Variants in ZSWIM5 observed in about 807,000 individuals in gnomAD.
ZSWIM5 encodes zinc finger SWIM-type containing 5.
ZSWIM5 carries 55 observed loss-of-function variants against 119.6 expected under a neutral mutation model. The observed-to-expected ratio is 0.46, with a 90% CI of 0.37 to 0.58. The LOEUF (loss-of-function observed/expected upper bound fraction) is 0.58. Ranked by LOEUF, ZSWIM5 falls within the 20% of genes least tolerant of loss-of-function variation. The pLI is 0.00. For missense variants in ZSWIM5, 1,193 were observed against 1,512.8 expected (o/e 0.79, Z 3.51); for synonymous variants, 537 against 606.9 (o/e 0.88, Z 1.69).
intron 1 of ZSWIM5, among the ~76,000 whole-genome samples, chr1:45,155,880 G>C (rs936278355): frequency 1.3e-5 from 2 of 152,078 alleles, no homozygotes; most frequent in East Asian, 1.9e-4. Context: ...TGGGGACTTG[G>C]GGGGAAAGAG....
chr1:45,132,494 C>G (rs1012505966), intron 1 of ZSWIM5, among the ~76,000 whole-genome samples: 2 of 152,074 alleles, frequency 1.3e-5, no homozygotes, highest in African/African-American at 4.8e-5. Flanking sequence ...GCCCTAAAAA[C>G]AAGGATATAG....
chr1:45,158,667 T>C (rs915702218), intron 1 of ZSWIM5, among the ~76,000 whole-genome samples: 6 of 152,226 alleles, frequency 3.9e-5, no homozygotes, highest in Admixed American at 3.9e-4. Flanking sequence ...ATTTAGACAA[T>C]GGATTTCAAC....
intron 1 of ZSWIM5, among the ~76,000 whole-genome samples, chr1:45,102,039 TAA>T (rs35157053): frequency 3.1e-4 from 45 of 144,754 alleles, no homozygotes; most frequent in African/African-American, 9.9e-4. Flanking sequence ...TAAAGTATAA[TAA>T]AAAAAAAAAA....
intron 1 of ZSWIM5, among the ~76,000 whole-genome samples, chr1:45,161,590 C>T (rs903471938): frequency 1.3e-5 from 2 of 152,058 alleles, no homozygotes; most frequent in South Asian, 4.1e-4. Context: ...GTTATTCCCT[C>T]CCCCCACATT....
intron 2 of ZSWIM5, among the ~76,000 whole-genome samples, chr1:45,085,528 GT>G (rs771375917): frequency 1.2e-3 from 132 of 112,724 alleles, no homozygotes; most frequent in Admixed American, 4.2e-3. Context: ...TAGTTTGTTT[GT>G]TTTTTTTTTT....
intron 1 of ZSWIM5, among the ~76,000 whole-genome samples, chr1:45,180,179 TCAAGGACAGGGG>T (rs1646007385): frequency 2.0e-5 from 3 of 152,104 alleles, no homozygotes; most frequent in African/African-American, 7.2e-5. Context: ...CCTTTCCTGG[TCAAGGACAGGGG>T]TGACAGACGG....
chr1:45,106,487 C>T (rs1184463004), intron 1 of ZSWIM5, among the ~76,000 whole-genome samples: 4 of 143,622 alleles, frequency 2.8e-5, no homozygotes, highest in Admixed American at 6.9e-5. Context: ...CGCCTCTGCC[C>T]GGCCGCTCTT....
chr1:45,184,542 C>T (rs1431498003), intron 1 of ZSWIM5, among the ~76,000 whole-genome samples: 2 of 152,244 alleles, frequency 1.3e-5, no homozygotes, highest in African/African-American at 4.8e-5. Flanking sequence ...ATAAGCAACT[C>T]CAGCAAAGTC....
intron 1 of ZSWIM5, among the ~76,000 whole-genome samples, chr1:45,203,801 T>C (rs1646171558): frequency 6.6e-6 from 1 of 152,036 alleles, no homozygotes; most frequent in African/African-American, 2.4e-5. Context: ...TTAACCTAAA[T>C]TAAGGTCAGA....
chr1:45,051,272 C>T lies in ZSWIM5; in HGVS notation c.1253-19G>A. Reference sequence around the variant, plus strand: ...AAAGCCCCTGGAAAATAAAGCAACCCATATTCTTAACATCTCTCCTTTGAT... The same window carrying T: ...AAAGCCCCTGGAAAATAAAGCAACCTATATTCTTAACATCTCTCCTTTGAT... On this transcript the variant is annotated intron_variant, in intron 4 of 13. Coordinates refer to ENST00000359600, the MANE Select transcript of ZSWIM5 (RefSeq NM_020883.2). The T allele has an allele frequency of 1.2e-6, 2 of 1,608,054 alleles. No homozygotes were observed. Among genetic ancestry groups the T allele is most frequent in the Non-Finnish European group, 1.7e-6 (2 of 1,177,384 alleles).
chr1:45,117,851 T>A (rs1041645532), intron 1 of ZSWIM5, among the ~76,000 whole-genome samples: 1 of 152,184 alleles, frequency 6.6e-6, no homozygotes, highest in Non-Finnish European at 1.5e-5. Flanking sequence ...GAATGGCAAG[T>A]CAATCTATAT....
chr1:45,059,535 T>A (rs1645141347), intron 3 of ZSWIM5, among the ~76,000 whole-genome samples: 1 of 151,974 alleles, frequency 6.6e-6, no homozygotes, highest in Non-Finnish European at 1.5e-5. Flanking sequence ...GAGGGATAGG[T>A]AAGGGTATAG....
intron 1 of ZSWIM5, among the ~76,000 whole-genome samples, chr1:45,098,471 C>A (rs538390618): frequency 6.6e-6 from 1 of 152,246 alleles, no homozygotes; most frequent in East Asian, 1.9e-4. Context: ...TAAACATGAG[C>A]AGAAGGTCTT....
intron 2 of ZSWIM5, among the ~76,000 whole-genome samples, chr1:45,078,935 T>C (rs1024072438): frequency 6.6e-6 from 1 of 152,162 alleles, no homozygotes. Flanking sequence ...TAAGCCATCG[T>C]ATCCCCTGTG....
At chr1:45,131,506 T>C (rs1157263433) in intron 1 of ZSWIM5, among the ~76,000 whole-genome samples, 2 of 151,992 alleles carry the variant, frequency 1.3e-5, no homozygotes, top group Non-Finnish European at 2.9e-5. Flanking sequence ...GGTGGACCAC[T>C]TAAGCTCCGG....
intron 1 of ZSWIM5, among the ~76,000 whole-genome samples, chr1:45,124,840 A>C (rs913307899): frequency 2.6e-5 from 4 of 152,066 alleles, no homozygotes; most frequent in African/African-American, 4.8e-5. Context: ...AGCAAATAAA[A>C]TTATCAGAAA....
chr1:45,065,822 G>A (rs1645179731), intron 2 of ZSWIM5, among the ~76,000 whole-genome samples: 1 of 151,908 alleles, frequency 6.6e-6, no homozygotes, highest in Non-Finnish European at 1.5e-5. Flanking sequence ...AGAATGAACT[G>A]GCAAGAGACC....
chr1:45,064,333 T>G (rs935200631), intron 2 of ZSWIM5, among the ~76,000 whole-genome samples: 8 of 152,216 alleles, frequency 5.3e-5, no homozygotes, highest in Admixed American at 5.2e-4. Flanking sequence ...ATTTCTCATA[T>G]ATTCCCAACT....
intron 1 of ZSWIM5, among the ~76,000 whole-genome samples, chr1:45,107,386 C>T (rs1418858687): frequency 2.0e-5 from 3 of 151,960 alleles, no homozygotes; most frequent in African/African-American, 7.3e-5. Context: ...CACCTGTAAT[C>T]CCAGTACTTT....
Sources: allele counts gnomAD v4.1 joint callset (sites outside exome capture counted in the v4.1 genomes callset), GRCh38; gene constraint gnomAD v4.1.1; transcripts MANE v1.5; gene names NCBI Gene and HGNC (gene_info 2026-07-23, HGNC 2026-07-21).